KIF26A: variants seen among roughly 807,000 people sequenced by gnomAD.
KIF26A encodes kinesin-like protein KIF26A.
In KIF26A, 74 loss-of-function variants were observed where a neutral mutation model predicts 126.0. The observed-to-expected ratio is 0.59, with a 90% CI of 0.49 to 0.71. The LOEUF (loss-of-function observed/expected upper bound fraction) is 0.71. KIF26A is among the 30% of genes least tolerant of loss of function. The pLI, the probability that KIF26A is intolerant of heterozygous loss-of-function variation, is 0.00. For synonymous variants in KIF26A, 1,445 were observed against 1,232.7 expected (o/e 1.17, Z -3.61); for missense variants, 2,984 against 2,763.3 (o/e 1.08, Z -1.79).
At chr14:104,153,165 C>T (rs781705146) in intron 3 of KIF26A, among the ~76,000 whole-genome samples, 41 of 152,286 alleles carry the variant, frequency 2.7e-4, no homozygotes, top group Non-Finnish European at 4.7e-4. Flanking sequence ...TCTGGGCTTT[C>T]GGCCTCCCTG....
Position 104,179,663 on chromosome 14 carries a change from A to G in KIF26A, c.5522A>G (p.Glu1841Gly). ...TCGGCCGAGTACCTGGCGGCCCTGG[A>G]GCGAGCCACGGCGGCCCTGGAGCAG... Reference protein sequence around the residue: ...PESAEYLAALERATAALEQCV... With the variant: ...PESAEYLAALGRATAALEQCV... Residue 1841 changes from glutamate (E) to glycine (G), a missense_variant, in exon 15 of 15, where the codon GAG (glutamate) becomes GGG (glycine). Glu to Gly is a moderately conservative substitution (Grantham distance 98). Transcript: ENST00000423312. 6.5e-7 allele frequency: 1 copy of G among 1,547,738 alleles called. No homozygotes were observed. Among genetic ancestry groups the G allele is most frequent in the South Asian group, 1.2e-5 (1 of 83,860 alleles).
At chr14:104,156,798 A>C (rs1481147573) in intron 3 of KIF26A, among the ~76,000 whole-genome samples, 2 of 152,088 alleles carry the variant, frequency 1.3e-5, no homozygotes, top group Non-Finnish European at 2.9e-5. Context: ...GGCCTTCCAG[A>C]CCAGCCCACG....
intron 3 of KIF26A, among the ~76,000 whole-genome samples, chr14:104,155,674 C>T (rs573447699): frequency 2.0e-5 from 3 of 152,356 alleles, no homozygotes; most frequent in South Asian, 2.1e-4. Flanking sequence ...GCCGTCCCGG[C>T]GGATGGGGCG....
At position 104,177,914 on chromosome 14, in the gene KIF26A, C is replaced by T. The variant is rs762386205; in HGVS notation, c.5110+16C>T. 8 of 1,498,022 alleles carry T rather than the reference C, an allele frequency of 5.3e-6. No individual in the cohort carries two copies. In the Admixed American group the frequency reaches 1.3e-4, roughly 24 times the overall value. The allele number at this position is 1,498,022 out of a possible 1,614,324, so 92.8% of individuals were successfully genotyped here. A position where few individuals can be genotyped will look rare whatever the true frequency, so the allele number is the denominator to read the frequency against. The stretch of plus-strand genomic sequence containing the variant: ...AGGGCCACAGGTGGGTGCAGAGGTG[C>T]ACAGCCCTCTACAGTTTACGGGCTT... On this transcript the variant is annotated intron_variant, in intron 12 of 14. Coordinates refer to ENST00000423312, the MANE Select transcript of KIF26A (RefSeq NM_015656.2).
Position 104,166,840 on chromosome 14 carries a change from C to G in KIF26A, c.924-19C>G, listed in dbSNP as rs1483381405. Reference sequence around the variant, plus strand: ...TGCTGTCACCCACCACTGATCCTGCCTCTGCCTCTCCTCCCCAGGGCTATG... The same window carrying G: ...TGCTGTCACCCACCACTGATCCTGCGTCTGCCTCTCCTCCCCAGGGCTATG... On this transcript the variant is annotated intron_variant, in intron 4 of 14. Coordinates refer to ENST00000423312, the MANE Select transcript of KIF26A (RefSeq NM_015656.2). The G allele has an allele frequency of 1.3e-6, 2 of 1,539,866 alleles. No homozygotes were observed. Among genetic ancestry groups the G allele is most frequent in the African/African-American group, 1.4e-5 (1 of 72,772 alleles).
In KIF26A at chr14:104,175,070, C is replaced by T. The variant is rs776831474; in HGVS notation, c.2282C>T (p.Thr761Ile). 2 of 1,590,746 alleles carry T rather than the reference C, an allele frequency of 1.3e-6. No homozygotes were observed. The highest frequency in any genetic ancestry group is 1.7e-6 in the Non-Finnish European group (2 of 1,170,676). ...CACCTGCGGCCCTTCCACCCACGCACTGTGGCCCTGGACCCCGACCGCACG... is the reference window on the plus strand; with the variant it reads ...CACCTGCGGCCCTTCCACCCACGCATTGTGGCCCTGGACCCCGACCGCACG... ...PPHLRPFHPR[T>I]VALDPDRTPP... The change falls in exon 12 of 15, where the codon ACT becomes ATT. Residue 761 changes from threonine (T) to isoleucine (I), a missense_variant. Coordinates refer to ENST00000423312, the MANE Select transcript of KIF26A (RefSeq NM_015656.2).
At chr14:104,164,877 C>G (rs1043971549) in intron 4 of KIF26A, among the ~76,000 whole-genome samples, 17 of 147,202 alleles carry the variant, frequency 1.2e-4, no homozygotes, top group Admixed American at 6.9e-4. Context: ...GTGCCTGTGT[C>G]TCTCTGTATA....
At chr14:104,164,641 C>T (rs1042242922) in intron 4 of KIF26A, among the ~76,000 whole-genome samples, 8 of 152,156 alleles carry the variant, frequency 5.3e-5, no homozygotes, top group South Asian at 2.1e-4. Flanking sequence ...GGCTCAGAGG[C>T]GCGGCGGGCC....
rs1292685158 is a variant in KIF26A, at chr14:104,178,611, G to A, written c.5172G>A (p.Lys1724=). ...PLPDTTALGR[K]PSLPGQWVDL... is the part of the protein sequence containing the mutation. ...CCGACACCACTGCCCTGGGCCGTAA[G>A]CCCAGCCTCCCCGGGCAGTGGGTGG... Residue 1724 remains lysine, a synonymous_variant, in exon 13 of 15, where the codon AAG becomes AAA. Coordinates refer to ENST00000423312, the MANE Select transcript of KIF26A (RefSeq NM_015656.2). The A allele has an allele frequency of 3.2e-6, 5 of 1,546,934 alleles. No individual in the cohort carries two copies. The highest frequency in any genetic ancestry group is 2.7e-5 in the African/African-American group (2 of 72,856).
intron 4 of KIF26A, among the ~76,000 whole-genome samples, chr14:104,162,379 C>T (rs1395893876): frequency 2.0e-5 from 3 of 152,154 alleles, no homozygotes; most frequent in South Asian, 4.1e-4. Flanking sequence ...TGGGTGTGCC[C>T]GCTGTGGCCC....
At position 104,156,473 on chromosome 14, in the gene KIF26A, G is replaced by T. The variant is rs1217169772; in HGVS notation, c.736-1282G>T. Among the ~76,000 whole-genome samples, 3 of 152,306 alleles carry T rather than the reference G, an allele frequency of 2.0e-5. No individual in the cohort carries two copies. The East Asian group carries it at 5.8e-4, about 29-fold the overall frequency. On this transcript the variant is annotated intron_variant, in intron 3 of 14. Coordinates refer to ENST00000423312, the MANE Select transcript of KIF26A (RefSeq NM_015656.2). The stretch of plus-strand genomic sequence containing the variant: ...TCTGGAAGCCCCGGAGGAGTGGCTG[G>T]TGCCTAGGGCCCAGGGGGCACCCAG...
chr14:104,177,416 G>A lies in KIF26A; in HGVS notation c.4628G>A (p.Ser1543Asn). The A allele has an allele frequency of 6.6e-7, 1 of 1,507,602 alleles. No homozygotes were observed. Among genetic ancestry groups the A allele is most frequent in the South Asian group, 1.3e-5 (1 of 79,222 alleles). 93.4% of individuals were successfully genotyped at this position (1,507,602 alleles called of 1,614,324 possible). A position where few individuals can be genotyped will look rare whatever the true frequency, so the allele number is the denominator to read the frequency against. The change falls in exon 12 of 15, where the codon AGT (serine) becomes AAT (asparagine). Residue 1543 changes from serine to asparagine, a missense_variant. By Grantham distance (46) the Ser-to-Asn change is conservative. Transcript: ENST00000423312. ...AGAGCAGCCCCACGGGCCGGGCCCA[G>A]TGTCGGGGCGAAGGCTGGCCGGGGT... is the stretch of plus-strand genomic sequence containing the variant. Reference protein sequence around the residue: ...GPRAAPRAGPSVGAKAGRGTV... With the variant: ...GPRAAPRAGPNVGAKAGRGTV...
intron 4 of KIF26A, among the ~76,000 whole-genome samples, chr14:104,165,091 ATG>A (rs151010009): frequency 1.6e-4 from 19 of 117,184 alleles, no homozygotes; most frequent in East Asian, 1.0e-3. Flanking sequence ...GTGTGTTTCT[ATG>A]TGTGTGTGTC....
In KIF26A at chr14:104,173,799, G is replaced by C; in HGVS notation, c.1961G>C (p.Cys654Ser). Residue 654 changes from cysteine (C) to serine (S), a missense_variant, in exon 10 of 15, where the codon TGT (cysteine) becomes TCT (serine). By Grantham distance (112) the Cys-to-Ser change is moderately radical (BLOSUM62 -1). Coordinates refer to ENST00000423312, the MANE Select transcript of KIF26A (RefSeq NM_015656.2). Reference protein sequence around the residue: ...RAGEAAGGPLCLSLSALGSVI... With the variant: ...RAGEAAGGPLSLSLSALGSVI... ...GGGGAGGCTGCTGGGGGTCCCCTGTGTCTGTCCCTGTCGGCCCTGGGCAGC... is the reference window on the plus strand; with the variant it reads ...GGGGAGGCTGCTGGGGGTCCCCTGTCTCTGTCCCTGTCGGCCCTGGGCAGC... The C allele has an allele frequency of 6.2e-7, 1 of 1,605,248 alleles. No individual in the cohort carries two copies. The highest frequency in any genetic ancestry group is 8.5e-7 in the Non-Finnish European group (1 of 1,179,466).
chr14:104,157,675 G>C, intron 3 of KIF26A, 80 bp from the exon 4 acceptor site: 2 of 1,465,568 alleles, frequency 1.4e-6, no homozygotes, highest in Admixed American at 4.0e-5. Context: ...GCCCAGGCCT[G>C]TCTCTCCCAC....
In KIF26A at chr14:104,178,746, C is replaced by T. The variant is rs757080688; in HGVS notation, c.5307C>T (p.Ala1769=). 9 of 1,524,624 alleles carry T rather than the reference C, an allele frequency of 5.9e-6. No individual in the cohort carries two copies. Among genetic ancestry groups the T allele is most frequent in the Admixed American group, 2.0e-5 (1 of 49,758 alleles). The allele number at this position is 1,524,624 out of a possible 1,614,324, so 94.4% of individuals were successfully genotyped here. A position where few individuals can be genotyped will look rare whatever the true frequency, so the allele number is the denominator to read the frequency against. The change falls in exon 13 of 15, where the codon GCC becomes GCT. Residue 1769 remains alanine, a synonymous_variant. Transcript: ENST00000423312. The part of the protein sequence containing the change: ...LQRPRPTPRE[A]PTQGLACVST... ...GGCCCCGCCCCACCCCGAGGGAGGC[C>T]CCCACCCAGGTAGGGCCTTTGGTGG...
In KIF26A at chr14:104,175,065, A is replaced by G. The variant is rs2141117241; in HGVS notation, c.2277A>G (p.Pro759=). 6.3e-7 allele frequency: 1 copy of G among 1,587,742 alleles called. No homozygotes were observed. The highest frequency in any genetic ancestry group is 8.6e-7 in the Non-Finnish European group (1 of 1,169,356). The change falls in exon 12 of 15, where the codon CCA becomes CCG. Residue 759 remains proline, a synonymous_variant. Transcript: ENST00000423312. ...CCCCGCACCTGCGGCCCTTCCACCC[A>G]CGCACTGTGGCCCTGGACCCCGACC... ...RRPPHLRPFH[P]RTVALDPDRT...
intron 4 of KIF26A, among the ~76,000 whole-genome samples, chr14:104,163,770 C>T (rs893468894): frequency 1.4e-5 from 2 of 146,448 alleles, no homozygotes; most frequent in Non-Finnish European, 3.0e-5. Flanking sequence ...GGCCCAGGCC[C>T]GTGTGCCTGA....
At chr14:104,159,868 CAG>C (rs34697442) in intron 4 of KIF26A, among the ~76,000 whole-genome samples, 30,754 of 151,920 alleles carry the variant, frequency 0.2, 3,267 homozygotes, top group Middle Eastern at 0.26. Context: ...CCTGAACCCT[CAG>C]GGGTGAGATC....
Sources: gnomAD v4.1 joint callset for allele counts (sites outside exome capture counted in the v4.1 genomes callset) on GRCh38, gnomAD v4.1.1 for gene constraint, MANE v1.5 for transcripts, NCBI Gene and HGNC (gene_info 2026-07-23, HGNC 2026-07-21) for gene names.